GABPB2: variants seen among roughly 807,000 people sequenced by gnomAD.
GABPB2 encodes the protein GA binding protein transcription factor subunit beta 2.
Under a neutral mutation model 39.1 loss-of-function variants are expected in GABPB2, and 23 were observed. The observed-to-expected ratio is 0.59, with a 90% CI of 0.42 to 0.83. The LOEUF is 0.83. Among genes scored for constraint, GABPB2 ranks in the 40% least tolerant of loss-of-function variants. The probability of loss-of-function intolerance (pLI) is 0.00; values close to 1 mark genes in which losing one functional copy is unlikely to be tolerated. For missense variants in GABPB2, 467 were observed against 541.1 expected, an observed-to-expected ratio of 0.86 and a Z score of 1.36; for synonymous variants, 184 against 199.3, an observed-to-expected ratio of 0.92 and a Z score of 0.65.
rs370754541 is a variant in GABPB2, at chr1:151,075,341, G to T, written c.-1+4407G>T. On this transcript the variant is annotated intron_variant, in intron 1 of 8. Coordinates refer to ENST00000368918, the MANE Select transcript of GABPB2 (RefSeq NM_144618.3). Reference sequence around the variant, plus strand: ...GCACTTTGGGAGGCCCAGGAGGGCAGATCACGAGGTCAGGAGATCGAGACC... The same window carrying T: ...GCACTTTGGGAGGCCCAGGAGGGCATATCACGAGGTCAGGAGATCGAGACC... Among the ~76,000 whole-genome samples, 85 of 151,762 alleles carry T rather than the reference G, an allele frequency of 5.6e-4. 1 individual carries two copies. The highest frequency in any genetic ancestry group is 1.8e-3 in the African/African-American group (74 of 41,410).
chr1:151,117,337 C>T lies in GABPB2; in HGVS notation c.923-55C>T, dbSNP rs186006651. On this transcript the variant is annotated intron_variant, in intron 7 of 8. Transcript: ENST00000368918. ...ATTTTCTAATTAAAAGCAAGCAAAA[C>T]CTCTTTGTTTTATTATGCATTCATC... 3.4e-3 allele frequency: 5,401 copies of T among 1,570,252 alleles called. 19 individuals carry two copies. Among genetic ancestry groups the T allele is most frequent in the Middle Eastern group, 0.018 (107 of 5,854 alleles).
chr1:151,124,864 T>G lies in GABPB2; in HGVS notation c.*6608T>G, dbSNP rs1681317655. The stretch of plus-strand genomic sequence containing the variant: ...ATTTTTGTCTTATTTTTTAGCCTCT[T>G]TAGTATTAGGGGGTGAGGTGACATT... On this transcript the variant is annotated 3_prime_UTR_variant, in exon 9 of 9. Coordinates refer to ENST00000368918, the MANE Select transcript of GABPB2 (RefSeq NM_144618.3). 1 of 152,144 alleles carries G rather than the reference T, an allele frequency of 6.6e-6. No individual in the cohort carries two copies. The highest frequency in any genetic ancestry group is 6.6e-5 in the Admixed American group (1 of 15,258). The allele number at this position is 152,144 out of a possible 1,614,324, so 9.4% of individuals were successfully genotyped here.
intron 5 of GABPB2, among the ~76,000 whole-genome samples, chr1:151,102,478 T>C (rs1679609005): frequency 6.6e-6 from 1 of 152,198 alleles, no homozygotes; most frequent in African/African-American, 2.4e-5. Context: ...AGTCTTTCTC[T>C]GTCACCCAAG....
At chr1:151,078,071 G>A (rs966060273) in intron 1 of GABPB2, among the ~76,000 whole-genome samples, 2 of 150,774 alleles carry the variant, frequency 1.3e-5, no homozygotes, top group African/African-American at 4.9e-5. Context: ...AGGAGTTCAA[G>A]CCTCGCCTGA....
chr1:151,117,344 G>A, intron 7 of GABPB2, 48 bp from the exon 8 acceptor site: 2 of 1,581,382 alleles, frequency 1.3e-6, no homozygotes, highest in Non-Finnish European at 1.7e-6. Flanking sequence ...AAACCTCTTT[G>A]TTTTATTATG....
At chr1:151,116,448 T>C (rs1680879146) in intron 7 of GABPB2, among the ~76,000 whole-genome samples, 1 of 150,300 alleles carries the variant, frequency 6.7e-6, no homozygotes, top group Non-Finnish European at 1.5e-5. Context: ...AGATGTGTAG[T>C]GTGTCATGTG....
chr1:151,103,420 AT>A (rs1280317642), intron 5 of GABPB2, 141 bp from the exon 6 acceptor site: 1 of 534,332 alleles, frequency 1.9e-6, no homozygotes, highest in African/African-American at 1.9e-5. Context: ...CACTGATATA[AT>A]TGGCTTATAT....
intron 7 of GABPB2, among the ~76,000 whole-genome samples, chr1:151,114,516 G>T (rs1418288269): frequency 6.6e-6 from 1 of 151,886 alleles, no homozygotes; most frequent in Non-Finnish European, 1.5e-5. Context: ...TGGCCAATAT[G>T]GTGAAACCAC....
intron 1 of GABPB2, among the ~76,000 whole-genome samples, 191 bp downstream of exon 1, chr1:151,071,125 G>A (rs1330835505): frequency 6.6e-6 from 1 of 152,120 alleles, no homozygotes; most frequent in Non-Finnish European, 1.5e-5. Flanking sequence ...CGGGAGGAAG[G>A]GGAGGGGACT....
At chr1:151,082,392 CTTTTTTTTTTTTTT>C (rs35044606) in intron 1 of GABPB2, among the ~76,000 whole-genome samples, 1 of 48,000 alleles carries the variant, frequency 2.1e-5, no homozygotes, top group Non-Finnish European at 3.5e-5. Context: ...GTGGTAATTT[CTTTTTTTTTTTTTT>C]TTTTTTTTTT....
chr1:151,093,070 C>A lies in GABPB2; in HGVS notation c.277-122C>A, dbSNP rs141995070. 1.6e-3 allele frequency: 1,149 copies of A among 728,736 alleles called. 11 individuals carry two copies. The African/African-American group carries it at 0.019, about 12-fold the overall frequency. 45.1% of individuals were successfully genotyped at this position (728,736 alleles called of 1,614,324 possible). ...AGAAATGTTTTTCCCTTTGATATTC[C>A]TTAAATGTGATCTAGATTTGAGTAC... On this transcript the variant is annotated intron_variant, in intron 3 of 8. Transcript: ENST00000368918.
chr1:151,117,981 C>G lies in GABPB2; in HGVS notation c.1072C>G (p.Gln358Glu). 1 of 1,613,154 alleles carries G rather than the reference C, an allele frequency of 6.2e-7. No homozygotes were observed. Among genetic ancestry groups the G allele is most frequent in the Non-Finnish European group, 8.5e-7 (1 of 1,179,434 alleles). The change falls in exon 9 of 9, where the codon CAG becomes GAG. Residue 358 changes from glutamine (Q) to glutamate (E), a missense_variant. Transcript: ENST00000368918. ...SKEGNERELL[Q>E]QQLQEANRRA... ...GGAAGGCAATGAAAGAGAGCTACTACAGCAACAACTCCAGGAGGCCAATCG... is the reference window on the plus strand; with the variant it reads ...GGAAGGCAATGAAAGAGAGCTACTAGAGCAACAACTCCAGGAGGCCAATCG...
intron 1 of GABPB2, among the ~76,000 whole-genome samples, chr1:151,080,883 T>A (rs587732442): frequency 2.6e-4 from 38 of 148,972 alleles, no homozygotes; most frequent in Non-Finnish European, 5.1e-4. Context: ...AAGAAAGGTT[T>A]TTTTTTTGAG....
chr1:151,093,824 A>G (rs1157991674), intron 4 of GABPB2, among the ~76,000 whole-genome samples: 3 of 151,874 alleles, frequency 2.0e-5, no homozygotes, highest in African/African-American at 4.8e-5. Context: ...GACAGTATAC[A>G]GATGCTCCTT....
chr1:151,073,335 C>T (rs974035144), intron 1 of GABPB2, among the ~76,000 whole-genome samples: 3 of 152,124 alleles, frequency 2.0e-5, no homozygotes, highest in African/African-American at 7.2e-5. Context: ...GCAAGTGAGA[C>T]AGATTTTGTT....
chr1:151,105,011 A>G (rs935233630), intron 6 of GABPB2, among the ~76,000 whole-genome samples: 1 of 151,542 alleles, frequency 6.6e-6, no homozygotes, highest in African/African-American at 2.4e-5. Flanking sequence ...TTCAAGCACA[A>G]TTCTCCTGCC....
At chr1:151,091,444 C>T (rs1454163836) in intron 3 of GABPB2, among the ~76,000 whole-genome samples, 12 of 81,178 alleles carry the variant, frequency 1.5e-4, no homozygotes, top group African/African-American at 5.9e-4. Flanking sequence ...CAGCTGGGTG[C>T]GGTGGCTCAC....
intron 1 of GABPB2, among the ~76,000 whole-genome samples, chr1:151,086,861 T>C (rs1678246858): frequency 6.6e-6 from 1 of 151,936 alleles, no homozygotes; most frequent in African/African-American, 2.4e-5. Flanking sequence ...TATATATATT[T>C]TTTATTTTTT....
At chr1:151,073,746 C>A (rs1676917604) in intron 1 of GABPB2, among the ~76,000 whole-genome samples, 1 of 151,718 alleles carries the variant, frequency 6.6e-6, no homozygotes, top group Non-Finnish European at 1.5e-5. Context: ...ATGGTGAAAC[C>A]CCGTCTCTAA....
Sources: gnomAD v4.1 joint callset for allele counts (sites outside exome capture counted in the v4.1 genomes callset) on GRCh38, gnomAD v4.1.1 for gene constraint, MANE v1.5 for transcripts, NCBI Gene and HGNC (gene_info 2026-07-23, HGNC 2026-07-21) for gene names.